ASPSCR1: variants seen among roughly 807,000 people sequenced by gnomAD.
The protein encoded by ASPSCR1 is tether containing UBX domain for GLUT4.
A neutral mutation model predicts 68.9 loss-of-function variants in ASPSCR1; 55 were observed. The observed-to-expected ratio is 0.80, with a 90% CI of 0.64 to 1.00. The LOEUF (loss-of-function observed/expected upper bound fraction) is 1.00, where lower values mean the gene tolerates loss of function less well. Ranked by LOEUF, ASPSCR1 falls within the 50% of genes least tolerant of loss-of-function variation. The pLI, the probability that ASPSCR1 is intolerant of heterozygous loss-of-function variation, is 0.00. For synonymous variants in ASPSCR1, 352 were observed against 332.6 expected (o/e 1.06, Z -0.63); for missense variants, 765 against 762.2 (o/e 1.00, Z -0.04).
At chr17:81,984,966 C>CATA (rs2041930539) in intron 3 of ASPSCR1, among the ~76,000 whole-genome samples, 1 of 129,228 alleles carries the variant, frequency 7.7e-6, no homozygotes, top group Non-Finnish European at 1.6e-5. Context: ...CCCCACACAC[C>CATA]TGCACACACC....
At chr17:82,000,289 G>A (rs914220271) in intron 7 of ASPSCR1, among the ~76,000 whole-genome samples, 6 of 152,350 alleles carry the variant, frequency 3.9e-5, no homozygotes, top group South Asian at 4.1e-4. Context: ...GTGCCCGCCC[G>A]TGCTCGCCCG....
At chr17:82,016,608 T>C (rs551381852) in intron 13 of ASPSCR1, 81 bp downstream of exon 13, 3 of 1,527,432 alleles carry the variant, frequency 2.0e-6, no homozygotes, top group East Asian at 2.5e-5. Flanking sequence ...CGGGAGGGCG[T>C]TCGGTCTGGG....
At position 81,996,589 on chromosome 17, in the gene ASPSCR1, G is replaced by A. The variant is rs758563653; in HGVS notation, c.676G>A (p.Glu226Lys). The stretch of plus-strand genomic sequence containing the variant: ...CGCGGACACCTCAGGGCCCTGCTGC[G>A]AGCACACTCAGGAGAAGCAGAGCAC... ...EDADTSGPCC[E>K]HTQEKQSTRA... is the part of the protein sequence containing the mutation. Residue 226 changes from glutamate (E) to lysine (K), a missense_variant, in exon 7 of 16, where the codon GAG (glutamate) becomes AAG (lysine). Physicochemically the swap from Glu to Lys is moderately conservative, Grantham distance 56. Coordinates refer to ENST00000306739, the MANE Select transcript of ASPSCR1 (RefSeq NM_024083.4). 1.1e-5 allele frequency: 17 copies of A among 1,611,582 alleles called. No individual in the cohort carries two copies. The East Asian group carries it at 2.5e-4, about 23-fold the overall frequency.
intron 4 of ASPSCR1, 92 bp from the exon 5 acceptor site, chr17:81,994,729 A>C (rs1351283415): frequency 2.3e-5 from 31 of 1,363,910 alleles, no homozygotes; most frequent in Non-Finnish European, 2.9e-5. Flanking sequence ...AGGGCCCCAC[A>C]CCTTTGCTTT....
At chr17:81,992,432 A>ACGCTG (rs1039216789) in intron 4 of ASPSCR1, among the ~76,000 whole-genome samples, 2 of 152,186 alleles carry the variant, frequency 1.3e-5, no homozygotes, top group African/African-American at 4.8e-5. Flanking sequence ...GTTTGATGTC[A>ACGCTG]CGCTGCTGTG....
rs2042540265 is a variant in ASPSCR1, at chr17:82,001,782, C to CT, written c.933+4936_933+4937insT. Among the ~76,000 whole-genome samples, 23 of 152,286 alleles carry CT rather than the reference C, an allele frequency of 1.5e-4. No individual in the cohort carries two copies. In the South Asian group the frequency reaches 4.6e-3, roughly 30 times the overall value. Reference sequence around the variant, plus strand: ...AGGTCAGGGGCCCCGTCAGCCCTTCCCGGGCTCCCCCAGGAGCAGCCTCCA... The same window carrying CT: ...AGGTCAGGGGCCCCGTCAGCCCTTCCTCGGGCTCCCCCAGGAGCAGCCTCCA... On this transcript the variant is annotated intron_variant, in intron 7 of 15. Transcript: ENST00000306739.
In ASPSCR1 at chr17:81,985,513, A is replaced by G. The variant is rs767225415; in HGVS notation, c.280A>G (p.Ile94Val). Residue 94 changes from isoleucine (I) to valine (V), a missense_variant, in exon 4 of 16, where the codon ATC (isoleucine) becomes GTC (valine). Transcript: ENST00000306739. Reference protein sequence around the residue: ...SREGPENMVRIALQLDDGSRL... With the variant: ...SREGPENMVRVALQLDDGSRL... ...CATGTCTTATACCCTCCAGGTTCGC[A>G]TCGCTTTGCAGCTGGACGATGGCTC... 3 of 1,614,064 alleles carry G rather than the reference A, an allele frequency of 1.9e-6. No homozygotes were observed. The highest frequency in any genetic ancestry group is 1.7e-5 in the Admixed American group (1 of 60,032).
intron 7 of ASPSCR1, among the ~76,000 whole-genome samples, chr17:82,002,251 C>CATTTT (rs771918768): frequency 1.5e-4 from 22 of 151,082 alleles, no homozygotes; most frequent in Non-Finnish European, 2.8e-4. Context: ...TTTTCATTTT[C>CATTTT]ATTTTATTTT....
chr17:81,997,079 T>C (rs1393270355), intron 7 of ASPSCR1, among the ~76,000 whole-genome samples: 1 of 152,192 alleles, frequency 6.6e-6, no homozygotes, highest in East Asian at 1.9e-4. Flanking sequence ...ACGGTGGCTG[T>C]GTCTGCTCCG....
chr17:81,983,640 C>T lies in ASPSCR1; in HGVS notation c.245C>T (p.Ser82Phe), dbSNP rs144395852. 46 of 1,612,922 alleles carry T rather than the reference C, an allele frequency of 2.9e-5. No individual in the cohort carries two copies. The African/African-American group carries it at 5.4e-4, about 19-fold the overall frequency. Residue 82 changes from serine (S) to phenylalanine (F), a missense_variant, in exon 3 of 16, where the codon TCC becomes TTC. Ser to Phe is a radical substitution (Grantham distance 155). Transcript: ENST00000306739. The surrounding 1 kb of genome is among the most constrained non-coding windows in gnomAD (Gnocchi z 4.4). ...NNAKLEMVPA[S>F]RSREGPENMV... ...GCCAAGCTGGAGATGGTGCCCGCTT[C>T]CCGGAGCCGTGAGGGGCCTGAGAAC...
chr17:82,013,777 A>T (rs2043031729), intron 12 of ASPSCR1: 1 of 152,834 alleles, frequency 6.5e-6, no homozygotes, highest in African/African-American at 2.4e-5. Flanking sequence ...GAGGACAGGG[A>T]ATTGTGAGCA....
At chr17:82,011,513 C>G (rs1287881871) in intron 10 of ASPSCR1, 30 bp from the exon 11 acceptor site, 1 of 1,567,672 alleles carries the variant, frequency 6.4e-7, no homozygotes. Flanking sequence ...GGTGGAAGAG[C>G]TGTCTGTATG....
At position 82,016,849 on chromosome 17, in the gene ASPSCR1, G is replaced by A. The variant is rs780920234; in HGVS notation, c.1455G>A (p.Ala485=). 39 of 1,612,074 alleles carry A rather than the reference G, an allele frequency of 2.4e-5. No homozygotes were observed. The highest frequency in any genetic ancestry group is 3.0e-5 in the Non-Finnish European group (35 of 1,179,964). ...GLLEHAISPS[A]ADVLVARYMS... ...TGGAGCATGCCATCTCCCCATCTGC[G>A]GCCGATGTGCTGGTGGCCAGGTAAG... The change falls in exon 14 of 16, where the codon GCG becomes GCA. Residue 485 remains alanine (A), a synonymous_variant. Transcript: ENST00000306739.
intron 7 of ASPSCR1, 137 bp downstream of exon 7, chr17:81,996,983 C>T (rs1458459302): frequency 1.5e-5 from 23 of 1,485,066 alleles, no homozygotes; most frequent in Non-Finnish European, 1.9e-5. Flanking sequence ...GGAACCCAAA[C>T]GCGGGGCTCT....
intron 4 of ASPSCR1, 26 bp from the exon 5 acceptor site, chr17:81,994,795 T>A: frequency 1.2e-6 from 2 of 1,611,330 alleles, no homozygotes; most frequent in Non-Finnish European, 1.7e-6. Flanking sequence ...CTGGGGTACC[T>A]GATGGTTTCT....
intron 3 of ASPSCR1, among the ~76,000 whole-genome samples, chr17:81,985,286 ACT>A (rs1278524576): frequency 6.6e-6 from 1 of 152,040 alleles, no homozygotes; most frequent in Non-Finnish European, 1.5e-5. Flanking sequence ...ATACCTGCAC[ACT>A]CACATGCACA....
chr17:82,016,883 G>A lies in ASPSCR1; in HGVS notation c.1475+14G>A. On this transcript the variant is annotated intron_variant, in intron 14 of 15. Coordinates refer to ENST00000306739, the MANE Select transcript of ASPSCR1 (RefSeq NM_024083.4). ...GCTGGTGGCCAGGTAAGTGCCGGTG[G>A]GTCTGGGGGCACCTCCCGTGGCGGC... 2 of 1,612,514 alleles carry A rather than the reference G, an allele frequency of 1.2e-6. No individual in the cohort carries two copies. Among genetic ancestry groups the A allele is most frequent in the Non-Finnish European group, 1.7e-6 (2 of 1,179,846 alleles).
intron 2 of ASPSCR1, among the ~76,000 whole-genome samples, chr17:81,980,802 C>G (rs1228576641): frequency 1.3e-5 from 2 of 152,140 alleles, no homozygotes; most frequent in Non-Finnish European, 2.9e-5. Flanking sequence ...CCTGCCTCTT[C>G]ACGGGTCCTA....
At chr17:82,003,237 G>C (rs1007851627) in intron 7 of ASPSCR1, among the ~76,000 whole-genome samples, 86 of 152,376 alleles carry the variant, frequency 5.6e-4, no homozygotes, top group Non-Finnish European at 9.7e-4. Flanking sequence ...CTTGAGCCTA[G>C]GGGTTTTAGA....
Sources: allele counts gnomAD v4.1 joint callset (sites outside exome capture counted in the v4.1 genomes callset), GRCh38; gene constraint gnomAD v4.1.1; non-coding constraint Gnocchi (gnomAD v3.1); transcripts MANE v1.5; gene names NCBI Gene and HGNC (gene_info 2026-07-23, HGNC 2026-07-21).